The following ZFP64 variants were observed in gnomAD, a reference collection of about 807,000 sequenced individuals.
ZFP64 encodes ZFP64 zinc finger protein.
A neutral mutation model predicts 51.6 loss-of-function variants in ZFP64; 14 were observed. The ratio of observed to expected loss-of-function variants is 0.27; its 90% CI spans 0.18 to 0.42. ZFP64 has a LOEUF of 0.42. ZFP64 is among the 10% of genes least tolerant of loss of function. The pLI, the probability that ZFP64 is intolerant of heterozygous loss-of-function variation, is 1.00. For synonymous variants in ZFP64, 375 were observed against 361.4 expected (o/e 1.04, Z -0.43); for missense variants, 754 against 906.8 (o/e 0.83, Z 2.16).
intron 2 of ZFP64, among the ~76,000 whole-genome samples, chr20:52,176,800 C>T (rs1055295981): frequency 1.3e-5 from 2 of 152,152 alleles, no homozygotes; most frequent in East Asian, 3.9e-4. Flanking sequence ...TGAGCCACCG[C>T]GCCCGGCCGG....
intron 8 of ZFP64, among the ~76,000 whole-genome samples, chr20:52,086,823 A>G (rs1054715904): frequency 1.3e-5 from 2 of 152,138 alleles, no homozygotes; most frequent in Non-Finnish European, 2.9e-5. Context: ...CTTCTGATTT[A>G]GTTTCTCTTG....
chr20:52,084,799 C>G, exon 9 of ZFP64: 1 of 1,614,206 alleles, frequency 6.2e-7, no homozygotes. Context: ...TGGGAGCTGC[C>G]CTCTCTGAGC....
intron 3 of ZFP64, 57 bp downstream of exon 3, chr20:52,165,807 T>C (rs1298216737): frequency 1.9e-6 from 3 of 1,610,000 alleles, no homozygotes; most frequent in Non-Finnish European, 2.5e-6. Context: ...GGAGGAGCCC[T>C]GGAGCCTGGT....
At chr20:52,104,611 C>A (rs2079090469) in intron 5 of ZFP64, 2 of 447,828 alleles carry the variant, frequency 4.5e-6, no homozygotes, top group South Asian at 1.6e-5. Flanking sequence ...TGGGTCCCTG[C>A]GCTTCTGTTC....
chr20:52,174,438 G>A lies in ZFP64; in HGVS notation c.287-8413C>T, dbSNP rs1240033616. Among the ~76,000 whole-genome samples the A allele has an allele frequency of 6.9e-5, 10 of 145,438 alleles. No homozygotes were observed. The East Asian group carries it at 1.4e-3, about 21-fold the overall frequency. The stretch of plus-strand genomic sequence containing the variant: ...GCGGAGGTTGCAGTGGGCCAAGATC[G>A]CGTCATTGCGCTCCAGCCTGGGCAA... On this transcript the variant is annotated intron_variant, in intron 2 of 5. Transcript: ENST00000216923.
At chr20:52,186,768 C>A (rs972280671) in intron 2 of ZFP64, 64 bp downstream of exon 2, 1 of 1,538,886 alleles carries the variant, frequency 6.5e-7, no homozygotes, top group South Asian at 1.2e-5. Flanking sequence ...TTAACAAGTT[C>A]CATGGACGTG....
intron 1 of ZFP64, 105 bp from the exon 2 acceptor site, chr20:52,187,176 T>C: frequency 7.7e-7 from 1 of 1,295,160 alleles, no homozygotes; most frequent in Non-Finnish European, 1.1e-6. Context: ...CAGACATGGC[T>C]GGGTAGTGGC....
chr20:52,165,733 G>T, intron 3 of ZFP64, 131 bp downstream of exon 3: 1 of 1,219,288 alleles, frequency 8.2e-7, no homozygotes, highest in South Asian at 1.3e-5. Flanking sequence ...AAATGCCAGG[G>T]GGCTCTGATT....
At position 52,153,175 on chromosome 20, in the gene ZFP64, C is replaced by A; in HGVS notation, c.1017G>T (p.Ser339=). The A allele has an allele frequency of 6.2e-7, 1 of 1,614,170 alleles. No homozygotes were observed. The highest frequency in any genetic ancestry group is 8.5e-7 in the Non-Finnish European group (1 of 1,180,036). ...TLRKHSRVHQ[S]EHPEKCSECS... is the part of the protein sequence containing the mutation. ...ATTCCGAGCACTTCTCAGGATGCTC[C>A]GACTGGTGCACGCGGCTGTGCTTCC... The change falls in exon 6 of 6, where the codon TCG becomes TCT. Residue 339 remains serine (S), a synonymous_variant. Transcript: ENST00000216923. This position sits in a 1 kb window ranked among gnomAD's most constrained non-coding sequence, Gnocchi z 5.1.
chr20:52,173,595 A>C (rs1351194473), intron 2 of ZFP64, among the ~76,000 whole-genome samples: 2 of 152,176 alleles, frequency 1.3e-5, no homozygotes, highest in Non-Finnish European at 2.9e-5. Flanking sequence ...CTAGAAAAAC[A>C]AAACAAAAAA....
chr20:52,158,550 C>G (rs6021757), intron 5 of ZFP64, among the ~76,000 whole-genome samples: 2 of 151,918 alleles, frequency 1.3e-5, no homozygotes, highest in African/African-American at 4.8e-5. Flanking sequence ...TACTAAAATA[C>G]AAAAAATTAG....
At chr20:52,117,349 T>C (rs949265716) in intron 5 of ZFP64, among the ~76,000 whole-genome samples, 2 of 152,160 alleles carry the variant, frequency 1.3e-5, no homozygotes, top group African/African-American at 4.8e-5. Context: ...CTGGGCATGG[T>C]GGCTCACACC....
At chr20:52,108,459 T>A (rs911697470) in intron 5 of ZFP64, among the ~76,000 whole-genome samples, 1 of 152,128 alleles carries the variant, frequency 6.6e-6, no homozygotes, top group South Asian at 2.1e-4. Flanking sequence ...TTTTTACTCT[T>A]TTGCAAAACA....
intron 5 of ZFP64, among the ~76,000 whole-genome samples, chr20:52,127,279 G>A (rs12481222): frequency 1.3e-5 from 2 of 151,612 alleles, no homozygotes; most frequent in African/African-American, 2.4e-5. Flanking sequence ...GAAGTGATAC[G>A]GTTAGAAATT....
At chr20:52,173,640 C>T (rs1031945293) in intron 2 of ZFP64, among the ~76,000 whole-genome samples, 2 of 151,758 alleles carry the variant, frequency 1.3e-5, no homozygotes, top group Non-Finnish European at 2.9e-5. Flanking sequence ...CAATATACAT[C>T]CTTGCTTTTT....
intron 5 of ZFP64, among the ~76,000 whole-genome samples, chr20:52,134,453 C>T (rs1338174022): frequency 1.3e-5 from 2 of 152,172 alleles, no homozygotes; most frequent in Non-Finnish European, 2.9e-5. Flanking sequence ...TGGTGGCAAG[C>T]ACCCTGTTTA....
intron 7 of ZFP64, among the ~76,000 whole-genome samples, chr20:52,092,952 T>C (rs927359436): frequency 3.3e-5 from 5 of 152,152 alleles, no homozygotes; most frequent in Admixed American, 3.3e-4. Context: ...TGTTCGCAAG[T>C]ATTTGCTGTA....
intron 5 of ZFP64, among the ~76,000 whole-genome samples, chr20:52,101,348 C>T (rs910704290): frequency 2.7e-5 from 4 of 149,554 alleles, no homozygotes; most frequent in Non-Finnish European, 4.4e-5. Context: ...TAGTGTGGAT[C>T]AAGTAAGGAC....
intron 5 of ZFP64, among the ~76,000 whole-genome samples, chr20:52,123,108 A>C (rs1484179284): frequency 6.6e-6 from 1 of 152,026 alleles, no homozygotes; most frequent in Non-Finnish European, 1.5e-5. Context: ...CTCCTGCCTC[A>C]GCCTCCCGAG....
Sources: allele counts gnomAD v4.1 joint callset (sites outside exome capture counted in the v4.1 genomes callset), GRCh38; gene constraint gnomAD v4.1.1; non-coding constraint Gnocchi (gnomAD v3.1); transcripts MANE v1.5; gene names NCBI Gene and HGNC (gene_info 2026-07-23, HGNC 2026-07-21).